PICALM: variants seen among roughly 807,000 people sequenced by gnomAD.
The protein encoded by PICALM is phosphatidylinositol-binding clathrin assembly protein.
PICALM carries 40 observed loss-of-function variants against 80.5 expected under a neutral mutation model. The observed-to-expected ratio is 0.50, with a 90% CI of 0.39 to 0.65. PICALM has a LOEUF of 0.65. Among genes scored for constraint, PICALM ranks in the 30% least tolerant of loss-of-function variants. PICALM has a pLI of 0.00. For synonymous variants in PICALM, 288 were observed against 260.3 expected (o/e 1.11, Z -1.02); for missense variants, 676 against 778.9 (o/e 0.87, Z 1.57).
intron 8 of PICALM, among the ~76,000 whole-genome samples, chr11:86,004,879 T>C (rs2095244596): frequency 6.6e-6 from 1 of 152,180 alleles, no homozygotes; most frequent in South Asian, 2.1e-4. Context: ...AACTTCTTTG[T>C]TGAACTGAGA....
At chr11:85,989,322 T>C (rs891086717) in intron 13 of PICALM, among the ~76,000 whole-genome samples, 2 of 152,214 alleles carry the variant, frequency 1.3e-5, no homozygotes, top group African/African-American at 4.8e-5. Context: ...TAACTTGCTT[T>C]CTAGTTAATT....
At chr11:86,035,760 T>C (rs998060326) in intron 1 of PICALM, among the ~76,000 whole-genome samples, 1 of 139,528 alleles carries the variant, frequency 7.2e-6, no homozygotes, top group African/African-American at 2.8e-5. Context: ...CTGGCCAACA[T>C]GGTGAAACTC....
chr11:86,030,509 C>T (rs370604030), intron 2 of PICALM, among the ~76,000 whole-genome samples: 2 of 152,182 alleles, frequency 1.3e-5, no homozygotes, highest in East Asian at 3.8e-4. Flanking sequence ...GAAGATTTAT[C>T]TAGTTCTACT....
At chr11:86,030,459 T>A (rs948616151) in intron 2 of PICALM, among the ~76,000 whole-genome samples, 2 of 152,210 alleles carry the variant, frequency 1.3e-5, no homozygotes, top group Non-Finnish European at 2.9e-5. Context: ...CTCTAGAAGG[T>A]TATCTTCCCG....
At chr11:86,023,412 A>C in intron 3 of PICALM, 3 of 980,376 alleles carry the variant, frequency 3.1e-6, no homozygotes, top group Non-Finnish European at 3.6e-6. Context: ...ATATGACTTC[A>C]TACCTACTAC....
At chr11:86,036,022 G>C (rs1252656179) in intron 1 of PICALM, among the ~76,000 whole-genome samples, 2 of 151,634 alleles carry the variant, frequency 1.3e-5, no homozygotes, top group African/African-American at 4.8e-5. Flanking sequence ...AAATTAACTG[G>C]TTAATCAAAT....
chr11:85,958,425 T>C lies in PICALM; in HGVS notation c.*621A>G, dbSNP rs1227665053. 1 of 212,706 alleles carries C rather than the reference T, an allele frequency of 4.7e-6. No individual in the cohort carries two copies. The highest frequency in any genetic ancestry group is 9.5e-6 in the Non-Finnish European group (1 of 104,924). 13.2% of individuals were successfully genotyped at this position (212,706 alleles called of 1,614,324 possible). On this transcript the variant is annotated 3_prime_UTR_variant, in exon 20 of 20. Transcript: ENST00000393346. The stretch of plus-strand genomic sequence containing the variant: ...TCTTGTGGATAAAAATCAAACATAC[T>C]GTGCACATCCATACTCATTTTCATA...
intron 3 of PICALM, among the ~76,000 whole-genome samples, chr11:86,024,106 T>C (rs1318084663): frequency 6.6e-6 from 1 of 152,050 alleles, no homozygotes; most frequent in Non-Finnish European, 1.5e-5. Flanking sequence ...CCAGCCTAGG[T>C]GACAGAGCAA....
Position 86,010,533 on chromosome 11 carries a change from G to C in PICALM, c.765+497C>G, listed in dbSNP as rs983384852. 2.8e-4 allele frequency among the ~76,000 whole-genome samples: 43 copies of C among 151,980 alleles called. 1 individual carries two copies. The highest frequency in any genetic ancestry group is 6.6e-5 in the Admixed American group (1 of 15,262). On this transcript the variant is annotated intron_variant, in intron 7 of 19. Coordinates refer to ENST00000393346, the MANE Select transcript of PICALM (RefSeq NM_007166.4). ...GTATAGACGGGATTTTGCCATGTTG[G>C]CCAGTCTTGAACTCCTGACCTCAGG...
intron 6 of PICALM, 138 bp downstream of exon 6, chr11:86,012,143 C>G (rs2095409031): frequency 2.3e-6 from 1 of 435,564 alleles, no homozygotes; most frequent in South Asian, 6.6e-5. Flanking sequence ...GTATAAAACT[C>G]TTTTCTCCAA....
intron 1 of PICALM, among the ~76,000 whole-genome samples, chr11:86,052,518 C>A (rs1289448992): frequency 6.6e-6 from 1 of 152,150 alleles, no homozygotes; most frequent in Admixed American, 6.6e-5. Context: ...TTCAATGATT[C>A]CTGTGCAATC....
intron 6 of PICALM, 24 bp downstream of exon 6, chr11:86,012,257 T>A: frequency 8.0e-7 from 1 of 1,256,168 alleles, no homozygotes; most frequent in South Asian, 1.2e-5. Flanking sequence ...ATAAGAAATG[T>A]TATTAGGCTA....
rs1345992635 is a variant in PICALM, at chr11:85,965,806, TGTTTTTTTG to T, written c.1945-6755_1945-6747del. Among the ~76,000 whole-genome samples, 44 of 49,180 alleles carry T rather than the reference TGTTTTTTTG, an allele frequency of 8.9e-4. 1 individual carries two copies. Among genetic ancestry groups the T allele is most frequent in the African/African-American group, 4.2e-3 (43 of 10,164 alleles). The allele number at this position is 49,180 out of a possible 152,430, so 32.3% of individuals were successfully genotyped here. A position where few individuals can be genotyped will look rare whatever the true frequency, so the allele number is the denominator to read the frequency against. On this transcript the variant is annotated intron_variant, in intron 19 of 19. Coordinates refer to ENST00000393346, the MANE Select transcript of PICALM (RefSeq NM_007166.4). ...GTCACCTTGAATGCATTACCCATTT[TGTTTTTTTG>T]TTTTTTTTTTTTTTTTTTTTTTTGA...
intron 19 of PICALM, chr11:85,969,574 G>A (rs553266824): frequency 6.9e-6 from 2 of 287,774 alleles, no homozygotes; most frequent in South Asian, 5.6e-5. Context: ...AAAATCTTTT[G>A]GTTTCGGCTA....
At chr11:85,970,583 AGGAG>A (rs2094070232) in intron 19 of PICALM, among the ~76,000 whole-genome samples, 1 of 152,248 alleles carries the variant, frequency 6.6e-6, no homozygotes, top group Non-Finnish European at 1.5e-5. Flanking sequence ...TGGGAGGCCC[AGGAG>A]GGAGGATCAC....
chr11:85,974,737 T>C lies in PICALM; in HGVS notation c.1915A>G (p.Asn639Asp), dbSNP rs1243904466. Reference protein sequence around the residue: ...IYSQPVMRPPNPFGPVSGAQI... With the variant: ...IYSQPVMRPPDPFGPVSGAQI... ...GCTCCTGATACAGGGCCAAAGGGGT[T>C]TGGAGGTCTCATGACAGGCTGGCTG... The change falls in exon 19 of 20, where the codon AAC becomes GAC. Residue 639 changes from asparagine to aspartate, a missense_variant. Transcript: ENST00000393346. 5.0e-6 allele frequency: 8 copies of C among 1,613,308 alleles called. No individual in the cohort carries two copies. Among genetic ancestry groups the C allele is most frequent in the Non-Finnish European group, 6.8e-6 (8 of 1,179,400 alleles).
chr11:86,000,586 T>C (rs1302895525), intron 11 of PICALM, 57 bp downstream of exon 11: 2 of 1,452,462 alleles, frequency 1.4e-6, no homozygotes, highest in Non-Finnish European at 1.9e-6. Context: ...CTGCAAAATT[T>C]CTATTAGAAG....
At chr11:86,057,251 G>A (rs931577963) in intron 1 of PICALM, among the ~76,000 whole-genome samples, 9 of 152,138 alleles carry the variant, frequency 5.9e-5, no homozygotes, top group African/African-American at 1.4e-4. Context: ...AAAATTATGT[G>A]TGTGGGGCCA....
chr11:86,012,448 CA>C, intron 5 of PICALM, 56 bp from the exon 6 acceptor site: 1 of 939,246 alleles, frequency 1.1e-6, no homozygotes, highest in South Asian at 1.4e-5. Context: ...ATGACATTGA[CA>C]AAAAGATTTC....
Sources: gnomAD v4.1 joint callset for allele counts (sites outside exome capture counted in the v4.1 genomes callset) on GRCh38, gnomAD v4.1.1 for gene constraint, MANE v1.5 for transcripts, NCBI Gene and HGNC (gene_info 2026-07-23, HGNC 2026-07-21) for gene names.